Variants in METTL25 observed in about 807,000 individuals in gnomAD.
METTL25 encodes probable methyltransferase-like protein 25.
A neutral mutation model predicts 71.6 loss-of-function variants in METTL25; 64 were observed. That is an observed-to-expected ratio of 0.89 (90% CI 0.73 to 1.10). The LOEUF is 1.10. Ranked by LOEUF, METTL25 falls within the 50% of genes least tolerant of loss-of-function variation. The pLI, the probability that METTL25 is intolerant of heterozygous loss-of-function variation, is 0.00. For synonymous variants in METTL25, 287 were observed against 250.3 expected (o/e 1.15, Z -1.38); for missense variants, 807 against 707.0 (o/e 1.14, Z -1.60).
intron 1 of METTL25, among the ~76,000 whole-genome samples, chr12:82,365,693 T>C (rs1698698891): frequency 6.6e-6 from 1 of 152,194 alleles, no homozygotes; most frequent in African/African-American, 2.4e-5. Context: ...AGAGATAGTC[T>C]AAGTCAGGAT....
At chr12:82,475,219 G>T (rs954936399) in intron 9 of METTL25, among the ~76,000 whole-genome samples, 2 of 152,222 alleles carry the variant, frequency 1.3e-5, no homozygotes, top group East Asian at 3.8e-4. Context: ...ACTAAAGGCT[G>T]TAATTCAACA....
Position 82,414,510 on chromosome 12 carries a change from G to A in METTL25, c.1279+11380G>A, listed in dbSNP as rs974865932. On this transcript the variant is annotated intron_variant, in intron 5 of 11. Coordinates refer to ENST00000248306, the MANE Select transcript of METTL25 (RefSeq NM_032230.3). ...ACTAATAGAAAGTGGTTTTTGAAGC[G>A]CATGCAGATTGGATTTATTCAGCAT... Among the ~76,000 whole-genome samples, 10 of 152,044 alleles carry A rather than the reference G, an allele frequency of 6.6e-5. No homozygotes were observed. The South Asian group carries it at 1.2e-3, about 19-fold the overall frequency.
At chr12:82,362,886 G>GT (rs1882115110) in intron 1 of METTL25, among the ~76,000 whole-genome samples, 1 of 152,218 alleles carries the variant, frequency 6.6e-6, no homozygotes, top group Non-Finnish European at 1.5e-5. Context: ...AAAAACAACT[G>GT]TAAGATTCTG....
intron 9 of METTL25, among the ~76,000 whole-genome samples, chr12:82,457,809 C>G (rs1187698232): frequency 6.6e-6 from 1 of 152,030 alleles, no homozygotes; most frequent in East Asian, 1.9e-4. Flanking sequence ...AAAATGAAGA[C>G]TCTCCTAGTT....
chr12:82,469,202 T>G (rs1017511781), intron 9 of METTL25, among the ~76,000 whole-genome samples: 1 of 152,144 alleles, frequency 6.6e-6, no homozygotes, highest in Non-Finnish European at 1.5e-5. Flanking sequence ...GATGTCAACA[T>G]TAACATAAAG....
At chr12:82,376,668 A>C (rs1883891897) in intron 1 of METTL25, among the ~76,000 whole-genome samples, 1 of 152,220 alleles carries the variant, frequency 6.6e-6, no homozygotes, top group Admixed American at 6.5e-5. Context: ...TGTCTGGAAC[A>C]CTTTCATTTA....
intron 4 of METTL25, among the ~76,000 whole-genome samples, chr12:82,401,310 CAAGTT>C (rs1886604285): frequency 6.6e-6 from 1 of 151,880 alleles, no homozygotes; most frequent in Admixed American, 6.6e-5. Context: ...GTTTGAGAAA[CAAGTT>C]AATACTTAAC....
At chr12:82,462,974 T>A (rs1270740933) in intron 9 of METTL25, among the ~76,000 whole-genome samples, 1 of 152,104 alleles carries the variant, frequency 6.6e-6, no homozygotes, top group Non-Finnish European at 1.5e-5. Flanking sequence ...TACATATTTA[T>A]GATATACATA....
intron 1 of METTL25, among the ~76,000 whole-genome samples, chr12:82,376,692 C>T (rs144450188): frequency 1.5e-3 from 228 of 152,278 alleles, no homozygotes; most frequent in African/African-American, 5.2e-3. Context: ...ACCTTTAATA[C>T]TGCTTAATAC....
chr12:82,461,954 A>C (rs1891910128), intron 9 of METTL25, among the ~76,000 whole-genome samples: 2 of 152,182 alleles, frequency 1.3e-5, no homozygotes, highest in South Asian at 4.1e-4. Context: ...TCTCTTTAGG[A>C]CTGCATATCT....
chr12:82,371,053 C>T (rs1209300930), intron 1 of METTL25, among the ~76,000 whole-genome samples: 2 of 152,220 alleles, frequency 1.3e-5, no homozygotes, highest in Non-Finnish European at 2.9e-5. Flanking sequence ...AACACACTTA[C>T]TATCTGTAGC....
chr12:82,436,035 C>T (rs1889891392), intron 7 of METTL25, among the ~76,000 whole-genome samples: 1 of 151,312 alleles, frequency 6.6e-6, no homozygotes, highest in East Asian at 1.9e-4. Context: ...TACTATACTG[C>T]ATATCAACTT....
chr12:82,449,909 A>C (rs757322842), intron 8 of METTL25, among the ~76,000 whole-genome samples: 14 of 151,934 alleles, frequency 9.2e-5, no homozygotes, highest in Non-Finnish European at 1.3e-4. Flanking sequence ...CCCTTTAAAC[A>C]TGTTTCAGTA....
intron 9 of METTL25, among the ~76,000 whole-genome samples, chr12:82,473,590 T>A (rs138961693): frequency 2.3e-3 from 355 of 152,290 alleles, no homozygotes; most frequent in African/African-American, 8.2e-3. Context: ...AAACCCTGAT[T>A]GAGTGCATTG....
chr12:82,453,223 C>G (rs1002144938), intron 8 of METTL25, among the ~76,000 whole-genome samples: 2 of 152,114 alleles, frequency 1.3e-5, no homozygotes, highest in African/African-American at 4.8e-5. Context: ...CATAGGTTCA[C>G]TAAAACACTA....
At chr12:82,465,677 G>A (rs1565886057) in intron 9 of METTL25, among the ~76,000 whole-genome samples, 1 of 151,866 alleles carries the variant, frequency 6.6e-6, no homozygotes, top group African/African-American at 2.4e-5. Flanking sequence ...AAATGAATTG[G>A]TATTCATTCT....
At chr12:82,410,406 A>G (rs1887464564) in intron 5 of METTL25, among the ~76,000 whole-genome samples, 1 of 152,144 alleles carries the variant, frequency 6.6e-6, no homozygotes, top group Non-Finnish European at 1.5e-5. Flanking sequence ...GTATTTTCTT[A>G]AACAAGACTA....
At chr12:82,405,278 C>T (rs554788194) in intron 5 of METTL25, among the ~76,000 whole-genome samples, 124 of 152,270 alleles carry the variant, frequency 8.1e-4, no homozygotes, top group African/African-American at 2.7e-3. Flanking sequence ...CCAGAGTGAT[C>T]CCCAGAGCTC....
chr12:82,380,164 C>G (rs1442942269), intron 1 of METTL25, among the ~76,000 whole-genome samples: 3 of 152,272 alleles, frequency 2.0e-5, no homozygotes, highest in South Asian at 4.1e-4. Flanking sequence ...TTGTTCCCCT[C>G]TATGTTTCCA....
Sources: gnomAD v4.1 joint callset for allele counts (sites outside exome capture counted in the v4.1 genomes callset) on GRCh38, gnomAD v4.1.1 for gene constraint, MANE v1.5 for transcripts, NCBI Gene and HGNC (gene_info 2026-07-23, HGNC 2026-07-21) for gene names.